Variants in RNF150 observed in about 807,000 individuals in gnomAD.
The protein encoded by RNF150 is ring finger protein 150.
RNF150 carries 24 observed loss-of-function variants against 39.3 expected under a neutral mutation model. The ratio of observed to expected loss-of-function variants is 0.61; its 90% CI spans 0.44 to 0.86. RNF150 has a LOEUF of 0.86. RNF150 is among the 40% of genes least tolerant of loss of function. RNF150 has a pLI of 0.00. For synonymous variants in RNF150, 255 were observed against 227.3 expected, an observed-to-expected ratio of 1.12 and a Z score of -1.10; for missense variants, 502 against 587.8, an observed-to-expected ratio of 0.85 and a Z score of 1.51.
At chr4:140,927,011 T>C (rs1272804611) in intron 4 of RNF150, among the ~76,000 whole-genome samples, 2 of 152,258 alleles carry the variant, frequency 1.3e-5, no homozygotes, top group African/African-American at 2.4e-5. Context: ...TGTTCTTGAA[T>C]ATTTCTATTC....
At chr4:140,902,950 T>C (rs546522069) in intron 6 of RNF150, among the ~76,000 whole-genome samples, 1 of 152,282 alleles carries the variant, frequency 6.6e-6, no homozygotes, top group African/African-American at 2.4e-5. Flanking sequence ...AAGGGCACAG[T>C]TCCTTGCTAG....
At chr4:140,997,870 CA>C (rs1231694887) in intron 1 of RNF150, among the ~76,000 whole-genome samples, 1 of 151,912 alleles carries the variant, frequency 6.6e-6, no homozygotes, top group Non-Finnish European at 1.5e-5. Context: ...GCATAGACAA[CA>C]GTACAAAAAT....
intron 1 of RNF150, among the ~76,000 whole-genome samples, chr4:141,053,477 T>A (rs1048939955): frequency 2.0e-5 from 3 of 152,032 alleles, no homozygotes; most frequent in Non-Finnish European, 4.4e-5. Flanking sequence ...CAGGACAGAG[T>A]GTGGGATGAG....
intron 1 of RNF150, among the ~76,000 whole-genome samples, chr4:141,071,181 A>G (rs1737684661): frequency 7.3e-6 from 1 of 137,196 alleles, no homozygotes; most frequent in Admixed American, 7.7e-5. Flanking sequence ...GAACTGAACA[A>G]TGAGATCACA....
chr4:141,144,778 G>A (rs184111821), intron 1 of RNF150, among the ~76,000 whole-genome samples: 3 of 152,258 alleles, frequency 2.0e-5, no homozygotes, highest in Admixed American at 2.0e-4. Context: ...CAAGTGTTAT[G>A]AAAGCAGGGA....
At position 140,967,635 on chromosome 4, in the gene RNF150, C is replaced by A; in HGVS notation, c.723G>T (p.Arg241Ser). ...YIQRFRYANA[R>S]DRNQRRLGDA... is the part of the protein sequence containing the mutation. ...TTTTGCTACTCACCTGGTTCCTATC[C>A]CTGGCATTTGCATATCGAAACCTCT... The change falls in exon 2 of 7, where the codon AGG (arginine) becomes AGT (serine). Residue 241 changes from arginine to serine, a missense_variant. Physicochemically the swap from Arg to Ser is moderately radical, Grantham distance 110 (BLOSUM62 -1). Transcript: ENST00000515673. 6.2e-7 allele frequency: 1 copy of A among 1,606,382 alleles called. No individual in the cohort carries two copies. The highest frequency in any genetic ancestry group is 1.1e-5 in the South Asian group (1 of 90,576).
In RNF150 at chr4:140,967,893, A is replaced by T; in HGVS notation, c.485-20T>A. On this transcript the variant is annotated intron_variant, in intron 1 of 6. Coordinates refer to ENST00000515673, the MANE Select transcript of RNF150 (RefSeq NM_020724.2). ...CTACACCTGTGGTAAGAGGGGAAGG[A>T]AGGGGCAATAAAGGTTAGGGGATAA... The T allele has an allele frequency of 6.2e-7, 1 of 1,610,230 alleles. No homozygotes were observed. The highest frequency in any genetic ancestry group is 8.5e-7 in the Non-Finnish European group (1 of 1,177,052).
chr4:141,047,618 GT>G (rs1299610819), intron 1 of RNF150, among the ~76,000 whole-genome samples: 1 of 152,110 alleles, frequency 6.6e-6, no homozygotes, highest in Non-Finnish European at 1.5e-5. Flanking sequence ...CCTATTAAGT[GT>G]GGTTAAAATG....
intron 1 of RNF150, among the ~76,000 whole-genome samples, chr4:141,058,263 G>A (rs1737069154): frequency 1.3e-5 from 2 of 151,304 alleles, no homozygotes; most frequent in Admixed American, 6.6e-5. Context: ...AGAAAGAAGG[G>A]TGGAAGGGGA....
chr4:141,080,945 A>T (rs984486702), intron 1 of RNF150, among the ~76,000 whole-genome samples: 2 of 152,102 alleles, frequency 1.3e-5, no homozygotes, highest in African/African-American at 4.8e-5. Flanking sequence ...GCCAAACGAG[A>T]CCTGCAGGTA....
chr4:140,893,056 G>T (rs1044706209), intron 6 of RNF150, among the ~76,000 whole-genome samples: 57 of 151,870 alleles, frequency 3.8e-4, no homozygotes, highest in Non-Finnish European at 2.9e-5. Flanking sequence ...GATGGAGTGA[G>T]ATCCATCTCT....
At chr4:141,033,862 A>T (rs1305225384) in intron 1 of RNF150, among the ~76,000 whole-genome samples, 2 of 152,190 alleles carry the variant, frequency 1.3e-5, no homozygotes, top group Non-Finnish European at 2.9e-5. Context: ...CTGTAAACAG[A>T]TACACCATCA....
At chr4:141,014,282 G>A (rs1735180996) in intron 1 of RNF150, among the ~76,000 whole-genome samples, 1 of 152,150 alleles carries the variant, frequency 6.6e-6, no homozygotes, top group Non-Finnish European at 1.5e-5. Flanking sequence ...GACTATTTGT[G>A]AATAAGGCTG....
At chr4:140,949,125 C>T (rs569106367) in intron 3 of RNF150, among the ~76,000 whole-genome samples, 176 bp downstream of exon 3, 1 of 152,132 alleles carries the variant, frequency 6.6e-6, no homozygotes. Flanking sequence ...ATAGCATACG[C>T]ATTTTATAAC....
chr4:140,905,561 G>T (rs1484339546), intron 6 of RNF150, among the ~76,000 whole-genome samples: 1 of 152,156 alleles, frequency 6.6e-6, no homozygotes, highest in Admixed American at 6.6e-5. Context: ...GGAAGAAGAT[G>T]GGGTAATTGG....
At chr4:141,145,097 A>G (rs1048912527) in intron 1 of RNF150, among the ~76,000 whole-genome samples, 12 of 152,160 alleles carry the variant, frequency 7.9e-5, no homozygotes, top group African/African-American at 2.9e-4. Flanking sequence ...TTCCAGAAAA[A>G]ATGAGGATTA....
At chr4:141,061,113 T>A (rs1029046531) in intron 1 of RNF150, among the ~76,000 whole-genome samples, 1 of 151,722 alleles carries the variant, frequency 6.6e-6, no homozygotes, top group African/African-American at 2.4e-5. Context: ...GTTCTGCACA[T>A]CTACCCCAGA....
At chr4:140,959,653 G>A (rs552341430) in intron 2 of RNF150, among the ~76,000 whole-genome samples, 3 of 152,080 alleles carry the variant, frequency 2.0e-5, no homozygotes, top group Admixed American at 1.3e-4. Flanking sequence ...AGTTAACCTC[G>A]AACAGGGAAG....
chr4:141,198,932 GAC>G (rs1728247191), intron 1 of RNF150, among the ~76,000 whole-genome samples: 1 of 152,118 alleles, frequency 6.6e-6, no homozygotes, highest in African/African-American at 2.4e-5. Context: ...AGAATGAAAA[GAC>G]AATTTACAGA....
Sources: allele counts gnomAD v4.1 joint callset (sites outside exome capture counted in the v4.1 genomes callset), GRCh38; gene constraint gnomAD v4.1.1; transcripts MANE v1.5; gene names NCBI Gene and HGNC (gene_info 2026-07-23, HGNC 2026-07-21).